NCOA4: variants seen among roughly 807,000 people sequenced by gnomAD.
NCOA4 encodes 70 kDa AR-activator.
In NCOA4, 31 loss-of-function variants were observed where a neutral mutation model predicts 69.5. The observed-to-expected ratio is 0.45, with a 90% CI of 0.34 to 0.60. The LOEUF (loss-of-function observed/expected upper bound fraction) is 0.60. Among genes scored for constraint, NCOA4 ranks in the 20% least tolerant of loss-of-function variants. NCOA4 has a pLI of 0.02. For synonymous variants in NCOA4, 228 were observed against 252.4 expected (o/e 0.90, Z 0.92); for missense variants, 600 against 719.2 (o/e 0.83, Z 1.90).
intron 4 of NCOA4, 149 bp downstream of exon 4, chr10:46,014,705 G>A: frequency 2.6e-6 from 2 of 770,052 alleles, no homozygotes; most frequent in Non-Finnish European, 4.2e-6. Context: ...GTATCAGCAA[G>A]TATAATATTA....
intron 1 of NCOA4, among the ~76,000 whole-genome samples, chr10:46,025,380 C>T (rs1220390054): frequency 1.3e-5 from 2 of 152,176 alleles, no homozygotes; most frequent in Admixed American, 6.5e-5. Context: ...CTTGGATTCA[C>T]ACCCCAATAT....
chr10:46,012,083 A>AAAAAAAAAAAAAAAAAAC, intron 7 of NCOA4, among the ~76,000 whole-genome samples: 1 of 136,546 alleles, frequency 7.3e-6, no homozygotes, highest in African/African-American at 3.2e-5. Flanking sequence ...AAAAAAAAAA[A>AAAAAAAAAAAAAAAAAAC]AAAAAAAAAA....
At chr10:46,023,595 C>T (rs111420273) in intron 1 of NCOA4, 107 of 903,624 alleles carry the variant, frequency 1.2e-4, no homozygotes, top group Non-Finnish European at 1.4e-4. Context: ...CGCTGGGCCT[C>T]CCTGCTAGAC....
At chr10:46,017,533 ACT>A (rs1207611508) in intron 1 of NCOA4, among the ~76,000 whole-genome samples, 4 of 152,062 alleles carry the variant, frequency 2.6e-5, no homozygotes, top group Non-Finnish European at 5.9e-5. Context: ...AGAGGGTGAA[ACT>A]CTGTCTCAAA....
chr10:46,012,886 A>C lies in NCOA4; in HGVS notation c.711T>G (p.Ser237Arg), dbSNP rs1839319627. ...AACAATAAAAGCAGCAACAGACCTG[A>C]CTGTTCTCCAAGGTCTGCTTTTGGG... is the stretch of plus-strand genomic sequence containing the variant. ...WLTQKQTLENSQTSSRACNFF... is the reference protein window; with the variant it reads ...WLTQKQTLENRQTSSRACNFF... The change falls in exon 7 of 10, where the codon AGT becomes AGG. Residue 237 changes from serine (S) to arginine (R), a missense_variant. Transcript: ENST00000581486. 6.2e-7 allele frequency: 1 copy of C among 1,613,906 alleles called. No homozygotes were observed. Among genetic ancestry groups the C allele is most frequent in the Non-Finnish European group, 8.5e-7 (1 of 1,179,980 alleles).
chr10:46,011,646 C>A (rs1554921664), intron 7 of NCOA4, among the ~76,000 whole-genome samples: 1 of 152,140 alleles, frequency 6.6e-6, no homozygotes, highest in Admixed American at 6.5e-5. Context: ...CAAGGGATTT[C>A]TCTATTTAGA....
chr10:46,008,623 T>C (rs1160954014), intron 9 of NCOA4, among the ~76,000 whole-genome samples: 1 of 152,226 alleles, frequency 6.6e-6, no homozygotes, highest in Non-Finnish European at 1.5e-5. Flanking sequence ...ATGCTGTGTA[T>C]TGTTGAAGTG....
chr10:46,011,385 A>G lies in NCOA4; in HGVS notation c.715-179T>C, dbSNP rs372732765. ...CAGCTTCACGCCATTCTCCTGCCTCAGCCTTCCGAGTAGCTGGGACTATAG... is the reference window on the plus strand; with the variant it reads ...CAGCTTCACGCCATTCTCCTGCCTCGGCCTTCCGAGTAGCTGGGACTATAG... On this transcript the variant is annotated intron_variant, in intron 7 of 9. Coordinates refer to ENST00000581486, the MANE Select transcript of NCOA4 (RefSeq NM_001145263.2). 6.6e-5 allele frequency among the ~76,000 whole-genome samples: 10 copies of G among 151,812 alleles called. No homozygotes were observed. The East Asian group carries it at 1.2e-3, about 18-fold the overall frequency.
intron 9 of NCOA4, among the ~76,000 whole-genome samples, chr10:46,007,752 G>A (rs1218542578): frequency 6.6e-6 from 1 of 151,836 alleles, no homozygotes; most frequent in Non-Finnish European, 1.5e-5. Context: ...ACCATACCCA[G>A]CTAATTTGTT....
intron 9 of NCOA4, chr10:46,008,974 C>A: frequency 1.8e-6 from 1 of 560,540 alleles, no homozygotes; most frequent in East Asian, 2.9e-5. Flanking sequence ...GAGGTATGTA[C>A]ATTGGTTTCT....
chr10:46,006,254 G>A lies in NCOA4; in HGVS notation c.*338C>T, dbSNP rs1838802635. The A allele has an allele frequency of 5.6e-6, 2 of 360,188 alleles. No individual in the cohort carries two copies. Among genetic ancestry groups the A allele is most frequent in the Non-Finnish European group, 5.2e-6 (1 of 194,084 alleles). The allele number at this position is 360,188 out of a possible 1,614,324, so 22.3% of individuals were successfully genotyped here. On this transcript the variant is annotated 3_prime_UTR_variant, in exon 10 of 10. Transcript: ENST00000581486. Reference sequence around the variant, plus strand: ...TCAATATACTTCGATAAACAAGAGTGTTTTAATGTACTTTTAGTAACGACC... The same window carrying A: ...TCAATATACTTCGATAAACAAGAGTATTTTAATGTACTTTTAGTAACGACC...
chr10:46,012,069 AG>A (rs1839247218), intron 7 of NCOA4, among the ~76,000 whole-genome samples: 3 of 129,662 alleles, frequency 2.3e-5, no homozygotes, highest in South Asian at 2.6e-4. Context: ...TCAAAAAGAA[AG>A]AAAAAAAAAA....
At position 46,005,567 on chromosome 10, in the gene NCOA4, A is replaced by G. The variant is rs1484051554; in HGVS notation, c.*1025T>C. Reference sequence around the variant, plus strand: ...GTAACTTTAAGGAGACTGAGAAAACATCAGTAGTTTTCACAAAGCTTCAAT... The same window carrying G: ...GTAACTTTAAGGAGACTGAGAAAACGTCAGTAGTTTTCACAAAGCTTCAAT... On this transcript the variant is annotated 3_prime_UTR_variant, in exon 10 of 10. Transcript: ENST00000581486. The G allele has an allele frequency of 3.2e-5, 7 of 221,196 alleles. No individual in the cohort carries two copies. Among genetic ancestry groups the G allele is most frequent in the African/African-American group, 1.6e-4 (7 of 44,652 alleles). 13.7% of individuals were successfully genotyped at this position (221,196 alleles called of 1,614,324 possible).
chr10:46,023,953 A>G (rs1247502514), intron 1 of NCOA4, among the ~76,000 whole-genome samples: 2 of 152,222 alleles, frequency 1.3e-5, no homozygotes, highest in Non-Finnish European at 2.9e-5. Context: ...AATGTAAAAT[A>G]CTTGCTGTTG....
chr10:46,016,544 C>A lies in NCOA4; in HGVS notation c.137G>T (p.Arg46Leu). 6.6e-7 allele frequency: 1 copy of A among 1,517,448 alleles called. No homozygotes were observed. The highest frequency in any genetic ancestry group is 8.9e-7 in the Non-Finnish European group (1 of 1,123,030). The allele number at this position is 1,517,448 out of a possible 1,614,324, so 94.0% of individuals were successfully genotyped here. ...RAEQQIKDNLREVKAQIHSCI... is the reference protein window; with the variant it reads ...RAEQQIKDNLLEVKAQIHSCI... ...AGAGAAAAGCACATGTCACACCTCT[C>A]GCAAGTTATCTTTAATTTGCTGTTC... is the stretch of plus-strand genomic sequence containing the variant. Residue 46 changes from arginine to leucine, a missense_variant, in exon 2 of 10, where the codon CGA becomes CTA. Coordinates refer to ENST00000581486, the MANE Select transcript of NCOA4 (RefSeq NM_001145263.2).
At chr10:46,014,991 G>C (rs1405624373) in intron 3 of NCOA4, 49 bp from the exon 4 acceptor site, 33 of 1,587,730 alleles carry the variant, frequency 2.1e-5, no homozygotes, top group Non-Finnish European at 2.6e-5. Flanking sequence ...AAAAGCACCA[G>C]ATATACTCAA....
intron 2 of NCOA4, among the ~76,000 whole-genome samples, chr10:46,015,847 C>T (rs1839510173): frequency 6.6e-6 from 1 of 151,950 alleles, no homozygotes; most frequent in African/African-American, 2.4e-5. Flanking sequence ...TTAGGGTAGA[C>T]AATTTAAGTA....
chr10:46,014,808 C>T (rs1313947898), intron 4 of NCOA4, 46 bp downstream of exon 4: 18 of 1,504,340 alleles, frequency 1.2e-5, no homozygotes, highest in Non-Finnish European at 1.5e-5. Flanking sequence ...TTTAGTATAC[C>T]AAAGTTCAAG....
At chr10:46,007,807 T>C (rs1838936091) in intron 9 of NCOA4, among the ~76,000 whole-genome samples, 1 of 152,036 alleles carries the variant, frequency 6.6e-6, no homozygotes, top group African/African-American at 2.4e-5. Flanking sequence ...CAGGCTGGTG[T>C]TAAACTCCTT....
Sources: allele counts gnomAD v4.1 joint callset (sites outside exome capture counted in the v4.1 genomes callset), GRCh38; gene constraint gnomAD v4.1.1; transcripts MANE v1.5; gene names NCBI Gene and HGNC (gene_info 2026-07-23, HGNC 2026-07-21).